The following BACH2 variants were observed in gnomAD, a reference collection of about 807,000 sequenced individuals.
BACH2 encodes BACH transcriptional regulator 2.
In BACH2, 5 loss-of-function variants were observed where a neutral mutation model predicts 61.8. That is an observed-to-expected ratio of 0.08 (90% CI 0.04 to 0.17). BACH2 has a LOEUF of 0.17. Ranked by LOEUF, BACH2 falls within the 10% of genes least tolerant of loss-of-function variation. The probability of loss-of-function intolerance (pLI) is 1.00; values close to 1 mark genes in which losing one functional copy is unlikely to be tolerated. For synonymous variants in BACH2, 446 were observed against 440.1 expected, an observed-to-expected ratio of 1.01 and a Z score of -0.17; for missense variants, 824 against 1,091.1, an observed-to-expected ratio of 0.76 and a Z score of 3.45.
intron 4 of BACH2, among the ~76,000 whole-genome samples, chr6:90,094,562 T>C (rs1782305714): frequency 6.6e-6 from 1 of 152,202 alleles, no homozygotes; most frequent in African/African-American, 2.4e-5. Context: ...CAAAACATGA[T>C]ATTCAGGTTT....
chr6:90,044,574 G>A (rs1271793897), intron 5 of BACH2, among the ~76,000 whole-genome samples: 7 of 152,192 alleles, frequency 4.6e-5, no homozygotes, highest in Non-Finnish European at 1.0e-4. Flanking sequence ...TGGAAAATGG[G>A]TTGCTGTAGG....
chr6:90,188,229 CATTT>C (rs1768429431), intron 4 of BACH2, among the ~76,000 whole-genome samples: 1 of 152,178 alleles, frequency 6.6e-6, no homozygotes, highest in South Asian at 2.1e-4. Context: ...TAATTATCTA[CATTT>C]ATTTTATTTT....
At chr6:90,045,910 T>TA (rs1327152718) in intron 5 of BACH2, among the ~76,000 whole-genome samples, 5 of 152,218 alleles carry the variant, frequency 3.3e-5, no homozygotes, top group Non-Finnish European at 5.9e-5. Context: ...CATGGACTTT[T>TA]AAAATTTCCA....
intron 6 of BACH2, among the ~76,000 whole-genome samples, chr6:89,994,080 C>T (rs1437554888): frequency 6.6e-6 from 1 of 152,168 alleles, no homozygotes; most frequent in Non-Finnish European, 1.5e-5. Context: ...CCAAAGCACA[C>T]GCTTACAGAC....
intron 1 of BACH2, among the ~76,000 whole-genome samples, chr6:90,275,898 G>A (rs983407132): frequency 6.6e-6 from 1 of 150,518 alleles, no homozygotes; most frequent in African/African-American, 2.5e-5. Flanking sequence ...GAACCCAGGA[G>A]GCAGAGGCTG....
chr6:90,180,877 AC>A (rs1344756029), intron 4 of BACH2, among the ~76,000 whole-genome samples: 1 of 151,980 alleles, frequency 6.6e-6, no homozygotes, highest in East Asian at 1.9e-4. Flanking sequence ...ACACACACAC[AC>A]ACACACACAC....
chr6:89,977,882 T>C (rs767661779), intron 6 of BACH2, among the ~76,000 whole-genome samples: 1 of 152,150 alleles, frequency 6.6e-6, no homozygotes, highest in South Asian at 2.1e-4. Context: ...CTGTTACTAA[T>C]AAATAAAAGG....
At chr6:90,286,749 T>C (rs1226670230) in intron 1 of BACH2, among the ~76,000 whole-genome samples, 3 of 152,150 alleles carry the variant, frequency 2.0e-5, no homozygotes, top group Admixed American at 6.5e-5. Flanking sequence ...CATAGAATTC[T>C]CTTACTTTGG....
intron 7 of BACH2, among the ~76,000 whole-genome samples, chr6:89,944,367 A>G (rs1294383469): frequency 9.9e-5 from 15 of 152,246 alleles, no homozygotes; most frequent in Admixed American, 9.8e-4. Flanking sequence ...TCTCTGTCAC[A>G]TGGTTTCGTC....
chr6:90,135,405 T>C (rs966510544), intron 4 of BACH2, among the ~76,000 whole-genome samples: 1 of 152,160 alleles, frequency 6.6e-6, no homozygotes, highest in African/African-American at 2.4e-5. Flanking sequence ...TTGACATTGA[T>C]CAGAATTCTG....
chr6:90,189,948 G>A (rs1768510360), intron 4 of BACH2, among the ~76,000 whole-genome samples: 1 of 149,236 alleles, frequency 6.7e-6, no homozygotes, highest in African/African-American at 2.4e-5. Flanking sequence ...TTAACTCTGA[G>A]CATTTTTTTT....
At chr6:90,016,708 T>C (rs1170510506) in intron 5 of BACH2, among the ~76,000 whole-genome samples, 1 of 152,204 alleles carries the variant, frequency 6.6e-6, no homozygotes, top group Non-Finnish European at 1.5e-5. Flanking sequence ...GCAGTGCAGG[T>C]ATACTAGTGA....
At chr6:90,010,225 CCTT>C (rs909648101) in intron 5 of BACH2, among the ~76,000 whole-genome samples, 5 of 152,168 alleles carry the variant, frequency 3.3e-5, no homozygotes, top group Non-Finnish European at 7.4e-5. Context: ...CCAAAAGTCT[CCTT>C]AAGGCCCTTG....
chr6:90,108,314 T>A (rs1783015154), intron 4 of BACH2, among the ~76,000 whole-genome samples: 1 of 152,212 alleles, frequency 6.6e-6, no homozygotes, highest in Admixed American at 6.5e-5. Context: ...GTGGACAGCA[T>A]GTGCTTGGGA....
intron 4 of BACH2, among the ~76,000 whole-genome samples, chr6:90,172,331 T>A: frequency 6.8e-6 from 1 of 147,010 alleles, no homozygotes; most frequent in Non-Finnish European, 1.5e-5. Context: ...AAAGACATTA[T>A]ACATAACATA....
chr6:89,969,464 G>A (rs1490331697), intron 6 of BACH2, among the ~76,000 whole-genome samples: 1 of 152,196 alleles, frequency 6.6e-6, no homozygotes, highest in Non-Finnish European at 1.5e-5. Context: ...TCCTGGTGCA[G>A]CAGAAGATGA....
chr6:89,998,850 T>A (rs912547637), intron 6 of BACH2, among the ~76,000 whole-genome samples: 1 of 152,184 alleles, frequency 6.6e-6, no homozygotes, highest in Non-Finnish European at 1.5e-5. Context: ...GCTGTCTGCT[T>A]TTATAACTGC....
intron 1 of BACH2, among the ~76,000 whole-genome samples, chr6:90,284,778 G>C (rs1260560629): frequency 2.6e-5 from 4 of 151,428 alleles, no homozygotes; most frequent in Non-Finnish European, 5.9e-5. Flanking sequence ...CTTTCACTAA[G>C]AGCAAGGGCT....
At chr6:90,040,437 C>T (rs1173384802) in intron 5 of BACH2, among the ~76,000 whole-genome samples, 1 of 151,950 alleles carries the variant, frequency 6.6e-6, no homozygotes, top group South Asian at 2.1e-4. Context: ...CCCATTAATG[C>T]CAATTCAAAT....
Sources: allele counts gnomAD v4.1 joint callset (sites outside exome capture counted in the v4.1 genomes callset), GRCh38; gene constraint gnomAD v4.1.1; transcripts MANE v1.5; gene names NCBI Gene and HGNC (gene_info 2026-07-23, HGNC 2026-07-21).